FERMT1: variants seen among roughly 807,000 people sequenced by gnomAD.
FERMT1 encodes FERM domain containing kindlin 1.
FERMT1 carries 60 observed loss-of-function variants against 85.3 expected under a neutral mutation model. The ratio of observed to expected loss-of-function variants is 0.70; its 90% confidence interval spans 0.57 to 0.87. The LOEUF is 0.87. Ranked by LOEUF, FERMT1 falls within the 40% of genes least tolerant of loss-of-function variation. The probability of loss-of-function intolerance (pLI) is 0.00; values close to 1 mark genes in which losing one functional copy is unlikely to be tolerated. For synonymous variants in FERMT1, 275 were observed against 301.1 expected (o/e 0.91, Z 0.90); for missense variants, 701 against 818.9 (o/e 0.86, Z 1.76).
chr20:6,115,633 G>T (rs530364445), intron 3 of FERMT1, among the ~76,000 whole-genome samples, 178 bp downstream of exon 3: 1 of 152,282 alleles, frequency 6.6e-6, no homozygotes, highest in African/African-American at 2.4e-5. Context: ...TGCCAATAAT[G>T]TTCCACTTGG....
chr20:6,123,001 C>T lies in FERMT1; in HGVS notation c.-246G>A, dbSNP rs1456817458. The T allele has an allele frequency of 1.3e-5, 2 of 152,264 alleles. No homozygotes were observed. The highest frequency in any genetic ancestry group is 4.8e-5 in the African/African-American group (2 of 41,458). 9.4% of individuals were successfully genotyped at this position (152,264 alleles called of 1,614,324 possible). A position where few individuals can be genotyped will look rare whatever the true frequency, so the allele number is the denominator to read the frequency against. On this transcript the variant is annotated 5_prime_UTR_variant, in exon 1 of 15. Transcript: ENST00000217289. Reference sequence around the variant, plus strand: ...CTCCCACGGAGGCTCGGTGCCTGCCCCCAGCCTGGCGCGGCGTGCCCGGTG... The same window carrying T: ...CTCCCACGGAGGCTCGGTGCCTGCCTCCAGCCTGGCGCGGCGTGCCCGGTG...
rs192398270 is a variant in FERMT1 at position 6,087,516 on chromosome 20, G to T, written c.1371+261C>A. ...AGTAGAGATGAGGTTTCACCATATT[G>T]GCCAGACTGGTCTTGAACTCCTGAC... On this transcript the variant is annotated intron_variant, in intron 11 of 14. Transcript: ENST00000217289. 3.5e-3 allele frequency: 1,478 copies of T among 422,854 alleles called. 5 individuals carry two copies. Among genetic ancestry groups the T allele is most frequent in the Non-Finnish European group, 5.2e-3 (1,152 of 220,558 alleles). The allele number at this position is 422,854 out of a possible 1,614,324, so 26.2% of individuals were successfully genotyped here.
rs1233878131 is a variant in FERMT1, at chr20:6,085,116, G to T, written c.1543C>A (p.Pro515Thr). Residue 515 changes from proline to threonine, a missense_variant, in exon 12 of 15, where the codon CCA becomes ACA. By Grantham distance (38) the Pro-to-Thr change is conservative. Transcript: ENST00000217289. Reference protein sequence around the residue: ...ASSLENMDMNPECFVSPRCAK... With the variant: ...ASSLENMDMNTECFVSPRCAK... ...CACCGTGGTGACACAAAACATTCTGGGTTCATATCCATGTTTTCGAGACTG... is the reference window on the plus strand; with the variant it reads ...CACCGTGGTGACACAAAACATTCTGTGTTCATATCCATGTTTTCGAGACTG... 6.2e-7 allele frequency: 1 copy of T among 1,614,146 alleles called. No homozygotes were observed. The highest frequency in any genetic ancestry group is 8.5e-7 in the Non-Finnish European group (1 of 1,180,018).
intron 13 of FERMT1, 26 bp from the exon 14 acceptor site, chr20:6,079,603 A>C: frequency 6.2e-7 from 1 of 1,605,414 alleles, no homozygotes; most frequent in Non-Finnish European, 8.5e-7. Context: ...ATATTAGTTA[A>C]GAGAAGCAAC....
At chr20:6,112,841 T>C (rs113866099) in intron 3 of FERMT1, among the ~76,000 whole-genome samples, 1 of 152,214 alleles carries the variant, frequency 6.6e-6, no homozygotes, top group East Asian at 1.9e-4. Context: ...TTCAGTCTAG[T>C]GAAATTTCTG....
intron 6 of FERMT1, among the ~76,000 whole-genome samples, chr20:6,103,469 A>G (rs990319009): frequency 2.0e-5 from 3 of 152,170 alleles, no homozygotes; most frequent in East Asian, 1.9e-4. Context: ...GCTATGTAGA[A>G]CTGTAATTCT....
intron 14 of FERMT1, among the ~76,000 whole-genome samples, chr20:6,077,943 G>T (rs1981876882): frequency 6.6e-6 from 1 of 152,184 alleles, no homozygotes; most frequent in Non-Finnish European, 1.5e-5. Context: ...GACCCCCAAA[G>T]TGTTGGGATT....
chr20:6,107,731 C>A, intron 5 of FERMT1, 97 bp from the exon 6 acceptor site: 1 of 659,516 alleles, frequency 1.5e-6, no homozygotes, highest in Non-Finnish European at 2.7e-6. Context: ...TATATATATC[C>A]TTGAACAAAA....
intron 6 of FERMT1, among the ~76,000 whole-genome samples, chr20:6,100,214 T>G (rs1265850200): frequency 3.3e-5 from 5 of 152,014 alleles, no homozygotes; most frequent in Non-Finnish European, 7.3e-5. Flanking sequence ...CATTGATTGA[T>G]GAATGAATGT....
intron 8 of FERMT1, 119 bp from the exon 9 acceptor site, chr20:6,095,107 T>C: frequency 1.5e-6 from 1 of 677,480 alleles, no homozygotes; most frequent in East Asian, 2.6e-5. Context: ...TTTGAATTAA[T>C]TCAAATTAAA....
chr20:6,090,089 T>C (rs966539207), intron 9 of FERMT1, among the ~76,000 whole-genome samples: 1 of 152,092 alleles, frequency 6.6e-6, no homozygotes, highest in African/African-American at 2.4e-5. Flanking sequence ...CAATTTTTTT[T>C]TTTGGAGACG....
intron 9 of FERMT1, 50 bp downstream of exon 9, chr20:6,094,889 T>G (rs1982460265): frequency 1.9e-6 from 2 of 1,054,602 alleles, no homozygotes. Flanking sequence ...ACTCTTTATC[T>G]TCAAGACTTT....
chr20:6,091,158 G>A (rs906824608), intron 9 of FERMT1, among the ~76,000 whole-genome samples: 15 of 151,970 alleles, frequency 9.9e-5, no homozygotes, highest in African/African-American at 2.4e-4. Flanking sequence ...GCAAGACTTC[G>A]TCTCAAACAA....
chr20:6,080,206 A>G (rs1318358260), intron 13 of FERMT1, among the ~76,000 whole-genome samples: 1 of 152,144 alleles, frequency 6.6e-6, no homozygotes, highest in East Asian at 1.9e-4. Context: ...TGTGGCTGAC[A>G]CAGTGAAGGA....
intron 6 of FERMT1, among the ~76,000 whole-genome samples, chr20:6,097,970 A>G (rs1023807633): frequency 6.6e-6 from 1 of 152,016 alleles, no homozygotes; most frequent in African/African-American, 2.4e-5. Context: ...ATGTGCCACC[A>G]CACCTGGCTA....
At chr20:6,119,806 A>G (rs1333721132) in intron 1 of FERMT1, among the ~76,000 whole-genome samples, 1 of 152,156 alleles carries the variant, frequency 6.6e-6, no homozygotes, top group Non-Finnish European at 1.5e-5. Context: ...TCATTTTTCC[A>G]TTCACCCACT....
At chr20:6,097,916 G>A (rs772401740) in intron 6 of FERMT1, among the ~76,000 whole-genome samples, 5 of 151,910 alleles carry the variant, frequency 3.3e-5, no homozygotes, top group African/African-American at 7.3e-5. Flanking sequence ...CTGGGTTCAT[G>A]CAATTCTTGT....
intron 6 of FERMT1, among the ~76,000 whole-genome samples, chr20:6,105,293 C>A (rs1347779350): frequency 6.6e-6 from 1 of 152,180 alleles, no homozygotes; most frequent in Non-Finnish European, 1.5e-5. Context: ...AATGTGGTCT[C>A]AGAGCAGGGT....
chr20:6,092,814 C>A (rs1461281362), intron 9 of FERMT1, among the ~76,000 whole-genome samples: 19 of 152,148 alleles, frequency 1.2e-4, no homozygotes, highest in Admixed American at 1.2e-3. Context: ...AAAATCCTAG[C>A]CTCAAACCAT....
Sources: allele counts gnomAD v4.1 joint callset (sites outside exome capture counted in the v4.1 genomes callset), GRCh38; gene constraint gnomAD v4.1.1; transcripts MANE v1.5; gene names NCBI Gene and HGNC (gene_info 2026-07-23, HGNC 2026-07-21).